OC90: variants seen among roughly 807,000 people sequenced by gnomAD.
OC90 encodes otoconin-90.
In OC90, 46 loss-of-function variants were observed where a neutral mutation model predicts 47.3. The observed-to-expected ratio is 0.97, with a 90% CI of 0.77 to 1.24. OC90 has a LOEUF of 1.24. OC90 is among the 50% of genes most tolerant of loss of function. The pLI is 0.00. For synonymous variants in OC90, 271 were observed against 219.5 expected (o/e 1.23, Z -2.07); for missense variants, 688 against 583.9 (o/e 1.18, Z -1.84).
intron 1 of OC90, among the ~76,000 whole-genome samples, chr8:132,056,709 C>A (rs1823283861): frequency 1.3e-5 from 2 of 152,118 alleles, no homozygotes; most frequent in East Asian, 1.9e-4. Context: ...AGAGAGGTCT[C>A]CAAATGGAAA....
rs143549682 is a variant in OC90 at position 132,031,901 on chromosome 8, C to T, written c.1011G>A (p.Glu337=). The T allele has an allele frequency of 2.2e-4, 356 of 1,613,944 alleles. No individual in the cohort carries two copies. The highest frequency in any genetic ancestry group is 1.8e-3 in the Middle Eastern group (11 of 6,060). The part of the protein sequence containing the change: ...GCYCGQEGRG[E]PRDDLDRCCL... ...CATACCTGTCTAGGTCATCCCTTGGCTCGCCTCTTCCTTCTTGTCCACAGT... is the reference window on the plus strand; with the variant it reads ...CATACCTGTCTAGGTCATCCCTTGGTTCGCCTCTTCCTTCTTGTCCACAGT... The change falls in exon 12 of 14, where the codon GAG becomes GAA. Residue 337 remains glutamate, a synonymous_variant. Coordinates refer to ENST00000254627, the MANE Select transcript of OC90 (RefSeq NM_001080399.3).
intron 9 of OC90, chr8:132,036,552 A>G (rs779383295): frequency 1.5e-5 from 10 of 673,850 alleles, no homozygotes; most frequent in Admixed American, 4.3e-5. Flanking sequence ...ATGGCTGCAC[A>G]ATGGTGTTCA....
intron 6 of OC90, among the ~76,000 whole-genome samples, chr8:132,039,694 G>GTC (rs1053406168): frequency 6.6e-6 from 1 of 152,054 alleles, no homozygotes; most frequent in African/African-American, 2.4e-5. Flanking sequence ...ACCCATTTGT[G>GTC]TCTCACTGCT....
Position 132,044,790 on chromosome 8 carries a change from T to G in OC90, c.113-301A>C, listed in dbSNP as rs1241216205. On this transcript the variant is annotated intron_variant, in intron 3 of 13. Transcript: ENST00000254627. ...AATACCTGGTAGGAAATCATCATCT[T>G]GGGTCTCATTCAGTGTGATGACTCT... Among the ~76,000 whole-genome samples the G allele has an allele frequency of 2.6e-5, 4 of 152,222 alleles. 1 individual carries two copies. In the East Asian group the frequency reaches 7.7e-4, roughly 29 times the overall value.
chr8:132,045,928 C>T (rs1437802996), intron 2 of OC90, 45 bp from the exon 3 acceptor site: 2 of 1,090,624 alleles, frequency 1.8e-6, no homozygotes, highest in Non-Finnish European at 2.7e-6. Flanking sequence ...AACACTGATA[C>T]AATTCACTTG....
chr8:132,030,711 G>A (rs181767482), intron 12 of OC90, among the ~76,000 whole-genome samples: 8 of 152,334 alleles, frequency 5.3e-5, no homozygotes, highest in East Asian at 1.9e-4. Flanking sequence ...TTTAGGGTCC[G>A]CTGGTGGGAG....
At chr8:132,051,551 C>T (rs76658056) in intron 2 of OC90, among the ~76,000 whole-genome samples, 1,640 of 152,324 alleles carry the variant, frequency 0.011, 29 homozygotes, top group African/African-American at 0.038. Flanking sequence ...AGTTCTATAT[C>T]TCTCTGACTC....
chr8:132,029,005 G>T (rs1051996559), intron 13 of OC90, 68 bp downstream of exon 13: 2 of 1,080,116 alleles, frequency 1.9e-6, no homozygotes, highest in Non-Finnish European at 2.9e-6. Context: ...CCATCCACAA[G>T]TCTGAGCTAC....
chr8:132,037,329 TGTTCTTGTGATAGTGA>T, intron 9 of OC90, 93 bp downstream of exon 9: 1 of 899,766 alleles, frequency 1.1e-6, no homozygotes. Context: ...CCTTCGGTGC[TGTTCTTGTGATAGTGA>T]GTTCTTGTGA....
chr8:132,035,683 A>C (rs974023262), intron 9 of OC90, among the ~76,000 whole-genome samples: 1 of 152,250 alleles, frequency 6.6e-6, no homozygotes, highest in Non-Finnish European at 1.5e-5. Context: ...AAAGAGGGAG[A>C]TTCTGGACCA....
intron 8 of OC90, 136 bp from the exon 9 acceptor site, chr8:132,037,624 CT>C (rs1490648448): frequency 2.7e-6 from 2 of 727,478 alleles, no homozygotes; most frequent in Admixed American, 4.2e-5. Context: ...CTAAGAAGAG[CT>C]GTTCATCCTG....
intron 6 of OC90, among the ~76,000 whole-genome samples, chr8:132,039,347 G>A (rs897026581): frequency 6.6e-6 from 1 of 152,102 alleles, no homozygotes; most frequent in Non-Finnish European, 1.5e-5. Context: ...CAGCACTATT[G>A]GCTCCACTTT....
chr8:132,028,126 G>A (rs28414684), intron 13 of OC90, among the ~76,000 whole-genome samples: 4,198 of 152,240 alleles, frequency 0.028, 187 homozygotes, highest in African/African-American at 0.093. Context: ...GCTCGTCACC[G>A]GCCCTGTGAC....
intron 10 of OC90, 71 bp downstream of exon 10, chr8:132,034,710 T>C (rs906126506): frequency 4.8e-6 from 5 of 1,051,708 alleles, no homozygotes; most frequent in Non-Finnish European, 5.7e-6. Flanking sequence ...CCAGTTGATA[T>C]CATAAATGTG....
intron 2 of OC90, among the ~76,000 whole-genome samples, chr8:132,046,716 G>A (rs1267563270): frequency 6.6e-6 from 1 of 152,168 alleles, no homozygotes; most frequent in Non-Finnish European, 1.5e-5. Context: ...GTAAGTAGTT[G>A]GAAATGATCA....
At chr8:132,045,035 T>C (rs1823111919) in intron 3 of OC90, among the ~76,000 whole-genome samples, 1 of 152,220 alleles carries the variant, frequency 6.6e-6, no homozygotes, top group Admixed American at 6.5e-5. Context: ...GAGGAGTGGC[T>C]GCCATGGCCT....
chr8:132,024,667 G>T lies in OC90; in HGVS notation c.1248C>A (p.Leu416=). Residue 416 remains leucine (L), a synonymous_variant, in exon 14 of 14, where the codon CTC becomes CTA. Coordinates refer to ENST00000254627, the MANE Select transcript of OC90 (RefSeq NM_001080399.3). ...AGGCTGCTGGCTGCCCAGGGCACCC[G>T]AGTCTGCTTGGGGACTTGAGGCTTT... The part of the protein sequence containing the change: ...FNQSLKSPSR[L]GCPGQPAACE... 3.1e-6 allele frequency: 5 copies of T among 1,613,342 alleles called. No individual in the cohort carries two copies. The highest frequency in any genetic ancestry group is 4.2e-6 in the Non-Finnish European group (5 of 1,179,664).
Position 132,041,518 on chromosome 8 carries a change from CACTT to C in OC90, c.344+3_344+6del, listed in dbSNP as rs1563731847. 6.2e-7 allele frequency: 1 copy of C among 1,607,762 alleles called. No individual in the cohort carries two copies. The highest frequency in any genetic ancestry group is 2.2e-5 in the East Asian group (1 of 44,786). ...TTTGGTCTTGCTCACCTGTGGAACT[CACTT>C]ACCTGTCAGATTCATCCACAGGCAA... On this transcript the variant is annotated splice_donor_5th_base_variant and intron_variant, in intron 5 of 13. Transcript: ENST00000254627.
At chr8:132,027,200 T>TA (rs2130848967) in intron 13 of OC90, among the ~76,000 whole-genome samples, 1 of 152,336 alleles carries the variant, frequency 6.6e-6, no homozygotes, top group East Asian at 1.9e-4. Flanking sequence ...TTAGAATAGT[T>TA]AGTCGCTTGC....
Sources: gnomAD v4.1 joint callset for allele counts (sites outside exome capture counted in the v4.1 genomes callset) on GRCh38, gnomAD v4.1.1 for gene constraint, MANE v1.5 for transcripts, NCBI Gene and HGNC (gene_info 2026-07-23, HGNC 2026-07-21) for gene names.